CFAP119: variants seen among roughly 807,000 people sequenced by gnomAD.
CFAP119 encodes the protein cilia- and flagella-associated protein 119.
At chr16:30,761,008 T>C in the CFAP119 span, 1 of 656,326 alleles carries the variant, frequency 1.5e-6, no homozygotes. Flanking sequence ...TCTTTGGCTC[T>C]TTTTTTCTCA....
At chr16:30,759,073 C>T in the CFAP119 span, 1 of 1,614,236 alleles carries the variant, frequency 6.2e-7, no homozygotes, top group Non-Finnish European at 8.5e-7. Flanking sequence ...TAACTGCCTG[C>T]TCCTCCATCT....
At chr16:30,761,621 C>G in the CFAP119 span, 1 of 1,536,142 alleles carries the variant, frequency 6.5e-7, no homozygotes, top group Admixed American at 2.0e-5. Context: ...CACACTCGCA[C>G]GCGTCCGCGC....
At chr16:30,760,397 A>G in the CFAP119 span, 1 of 1,614,206 alleles carries the variant, frequency 6.2e-7, no homozygotes, top group Non-Finnish European at 8.5e-7. Flanking sequence ...GTCCAGGGTG[A>G]TGGCGTCCCT....
At chr16:30,757,531 G>A in the CFAP119 span, 2 of 1,614,244 alleles carry the variant, frequency 1.2e-6, no homozygotes, top group Non-Finnish European at 1.7e-6. Context: ...CCGCTCTAGT[G>A]CAGTCAACTT....
chr16:30,757,877 T>C, the CFAP119 span: 2 of 1,301,312 alleles, frequency 1.5e-6, no homozygotes, highest in Non-Finnish European at 2.0e-6. Context: ...CCCTACTCAG[T>C]AGCTGTGTGA....
the CFAP119 span, chr16:30,760,375 G>T: frequency 6.2e-7 from 1 of 1,614,228 alleles, no homozygotes; most frequent in African/African-American, 1.3e-5. Flanking sequence ...AAATGAGCGC[G>T]TGGCAGAAGA....
At chr16:30,761,656 A>C in the CFAP119 span, 3 of 1,535,848 alleles carry the variant, frequency 2.0e-6, no homozygotes, top group Admixed American at 5.9e-5. Context: ...CTGAGCTGCG[A>C]TCCTTCCCCG....
At chr16:30,758,916 C>G in the CFAP119 span, 9 of 1,537,612 alleles carry the variant, frequency 5.9e-6, no homozygotes, top group Non-Finnish European at 7.8e-6. Flanking sequence ...AGGACTCTGA[C>G]TAAAAACAAA....
At chr16:30,758,711 A>G in the CFAP119 span, 1 of 388,258 alleles carries the variant, frequency 2.6e-6, no homozygotes, top group Non-Finnish European at 4.8e-6. Context: ...GCGCACCACC[A>G]TGCCTGGCTA....
At chr16:30,760,184 T>G in the CFAP119 span, 1 of 1,605,340 alleles carries the variant, frequency 6.2e-7, no homozygotes, top group South Asian at 1.1e-5. Context: ...AATGACATAT[T>G]CCAGGCAGAA....
At chr16:30,759,113 A>C in the CFAP119 span, 1 of 1,614,128 alleles carries the variant, frequency 6.2e-7, no homozygotes, top group African/African-American at 1.3e-5. Flanking sequence ...TGCAAACCAG[A>C]AGCAGGAAGA....
At chr16:30,758,970 T>C in the CFAP119 span, 1 of 1,612,012 alleles carries the variant, frequency 6.2e-7, no homozygotes, top group Non-Finnish European at 8.5e-7. Context: ...ATTCTACACC[T>C]GCTCAGAGGG....
chr16:30,757,773 ATGT>A, the CFAP119 span: 18 of 1,443,972 alleles, frequency 1.2e-5, no homozygotes, highest in East Asian at 3.2e-4. Flanking sequence ...AGAGGTAGCA[ATGT>A]TGTTTCCCTT....
the CFAP119 span, chr16:30,762,048 C>T: frequency 6.4e-6 from 3 of 467,064 alleles, no homozygotes; most frequent in Non-Finnish European, 1.1e-5. Flanking sequence ...GCCCTCTCTT[C>T]CAGGTTGCTA....
the CFAP119 span, chr16:30,761,564 G>A: frequency 2.3e-4 from 359 of 1,536,180 alleles, 1 homozygote; most frequent in African/African-American, 1.4e-3. Flanking sequence ...GTTGGCTCCG[G>A]GGTCTTCATC....
chr16:30,758,261 CG>C, the CFAP119 span: 1 of 152,230 alleles, frequency 6.6e-6, no homozygotes, highest in Non-Finnish European at 1.5e-5. Context: ...TTAGTAGAGA[CG>C]GGGTTTCACA....
At chr16:30,759,726 T>C in the CFAP119 span, 7 of 1,605,826 alleles carry the variant, frequency 4.4e-6, no homozygotes, top group Non-Finnish European at 6.0e-6. Context: ...AGGGGGTTGC[T>C]GGTAGGGAAA....
At chr16:30,757,711 G>A in the CFAP119 span, 2 of 1,548,616 alleles carry the variant, frequency 1.3e-6, no homozygotes, top group Non-Finnish European at 1.7e-6. Flanking sequence ...GGCAATGGGG[G>A]GATGGTCCCT....
chr16:30,758,573 T>C, the CFAP119 span: 1 of 209,624 alleles, frequency 4.8e-6, no homozygotes, highest in African/African-American at 2.3e-5. Context: ...TTGTTTGTTT[T>C]GAGACAGAGT....
Sources: gnomAD v4.1 joint callset for allele counts on GRCh38, gnomAD v4.1.1 for gene constraint, MANE v1.5 for transcripts, NCBI Gene and HGNC (gene_info 2026-07-23, HGNC 2026-07-21) for gene names.